RPS6KA1: variants seen among roughly 807,000 people sequenced by gnomAD.
The protein encoded by RPS6KA1 is ribosomal protein S6 kinase A1, also known as ribosomal protein S6 kinase alpha-1.
Under a neutral mutation model 91.3 loss-of-function variants are expected in RPS6KA1, and 48 were observed. That is an observed-to-expected ratio of 0.53 (90% CI 0.42 to 0.67). The LOEUF (loss-of-function observed/expected upper bound fraction) is 0.67. RPS6KA1 is among the 30% of genes least tolerant of loss of function. The pLI is 0.00. For missense variants in RPS6KA1, 719 were observed against 960.5 expected, an observed-to-expected ratio of 0.75 and a Z score of 3.32; for synonymous variants, 359 against 384.7, an observed-to-expected ratio of 0.93 and a Z score of 0.78.
At chr1:26,560,656 C>T in intron 14 of RPS6KA1, 70 bp from the exon 15 acceptor site, 1 of 1,602,784 alleles carries the variant, frequency 6.2e-7, no homozygotes. Flanking sequence ...GAGCCAAGAC[C>T]TTAGGTCCTG....
intron 1 of RPS6KA1, among the ~76,000 whole-genome samples, chr1:26,532,518 G>A (rs1427567502): frequency 6.6e-6 from 1 of 152,156 alleles, no homozygotes; most frequent in African/African-American, 2.4e-5. Context: ...GAGAGGCTCC[G>A]GATGTTGGCG....
chr1:26,543,996 T>C (rs1369112587), intron 2 of RPS6KA1: 2 of 441,390 alleles, frequency 4.5e-6, no homozygotes, highest in East Asian at 1.4e-4. Flanking sequence ...CAGAGGTGGG[T>C]CTGCAAGAAA....
At chr1:26,535,663 G>A (rs1014781903) in intron 1 of RPS6KA1, among the ~76,000 whole-genome samples, 4 of 152,156 alleles carry the variant, frequency 2.6e-5, no homozygotes, top group African/African-American at 4.8e-5. Context: ...ACTGACCAGA[G>A]GGGGGCTCTG....
Position 26,554,427 on chromosome 1 carries a change from C to G in RPS6KA1, c.614-169C>G. ...ACCCTCAGCTGGAATCCCAGCCCCTCATTGTGTAACGTTGAGCAAGTCACC... is the reference window on the plus strand; with the variant it reads ...ACCCTCAGCTGGAATCCCAGCCCCTGATTGTGTAACGTTGAGCAAGTCACC... On this transcript the variant is annotated intron_variant, in intron 8 of 21. Transcript: ENST00000374168. This position sits in a 1 kb window ranked among gnomAD's most constrained non-coding sequence, Gnocchi z 4.6. 1 of 1,133,168 alleles carries G rather than the reference C, an allele frequency of 8.8e-7. No individual in the cohort carries two copies. The highest frequency in any genetic ancestry group is 1.3e-6 in the Non-Finnish European group (1 of 784,168). The allele number at this position is 1,133,168 out of a possible 1,614,324, so 70.2% of individuals were successfully genotyped here. A position where few individuals can be genotyped will look rare whatever the true frequency, so the allele number is the denominator to read the frequency against.
chr1:26,557,927 CAA>C (rs2124647704), intron 13 of RPS6KA1, among the ~76,000 whole-genome samples: 1 of 151,776 alleles, frequency 6.6e-6, no homozygotes, highest in East Asian at 1.9e-4. Context: ...CTCCTGGGTT[CAA>C]GAGATTCTCC....
At position 26,546,804 on chromosome 1, in the gene RPS6KA1, C is replaced by T. The variant is rs1179497049; in HGVS notation, c.109-63C>T. The T allele has an allele frequency of 4.6e-6, 6 of 1,299,440 alleles. No individual in the cohort carries two copies. In the South Asian group the frequency reaches 4.8e-5, roughly 10 times the overall value. The allele number at this position is 1,299,440 out of a possible 1,614,324, so 80.5% of individuals were successfully genotyped here. On this transcript the variant is annotated intron_variant, in intron 2 of 21. Transcript: ENST00000374168. ...GTGGTCTGGTGGGAATGGACTTGGGCAGGGGAGCCTCCTGCTGCCTGGATG... is the reference window on the plus strand; with the variant it reads ...GTGGTCTGGTGGGAATGGACTTGGGTAGGGGAGCCTCCTGCTGCCTGGATG...
rs748604100 is a variant in RPS6KA1, at chr1:26,557,045, T to C, written c.1029T>C (p.Ala343=). ...EIKPPFKPAV[A]QPDDTFYFDT... Reference sequence around the variant, plus strand: ...AGCCACCCTTCAAGCCAGCAGTGGCTCAGCCTGATGACACCTTCTACTTTG... The same window carrying C: ...AGCCACCCTTCAAGCCAGCAGTGGCCCAGCCTGATGACACCTTCTACTTTG... Residue 343 remains alanine (A), a synonymous_variant, in exon 13 of 22, where the codon GCT becomes GCC. Transcript: ENST00000374168. The C allele has an allele frequency of 1.2e-6, 2 of 1,614,150 alleles. No individual in the cohort carries two copies. Among genetic ancestry groups the C allele is most frequent in the Non-Finnish European group, 1.7e-6 (2 of 1,180,016 alleles).
rs2076045050 is a variant in RPS6KA1 at position 26,551,025 on chromosome 1, G to C, written c.308-372G>C. On this transcript the variant is annotated intron_variant, in intron 4 of 21. Transcript: ENST00000374168. This position sits in a 1 kb window ranked among gnomAD's most constrained non-coding sequence, Gnocchi z 4.5. ...AAGCAGAGCTGGTGAAGGCATGCCA[G>C]GGGGAGGTGCAGAGGCAAAGTCTGA... Among the ~76,000 whole-genome samples, 1 of 152,168 alleles carries C rather than the reference G, an allele frequency of 6.6e-6. No individual in the cohort carries two copies. Among genetic ancestry groups the C allele is most frequent in the South Asian group, 2.1e-4 (1 of 4,820 alleles).
chr1:26,532,223 G>A (rs916940498), intron 1 of RPS6KA1, among the ~76,000 whole-genome samples: 15 of 152,186 alleles, frequency 9.9e-5, no homozygotes, highest in Admixed American at 9.8e-4. Flanking sequence ...TAGCCCTGTT[G>A]AAAGCAGTAG....
At position 26,547,314 on chromosome 1, in the gene RPS6KA1, G is replaced by A. The variant is rs1297689917; in HGVS notation, c.307+44G>A. On this transcript the variant is annotated intron_variant, in intron 4 of 21. Transcript: ENST00000374168. The surrounding 1 kb of genome is among the most constrained non-coding windows in gnomAD (Gnocchi z 4.1). ...CTGTGCAGAACCCAGGCTTGGCTGA[G>A]GGAGGCAGCCCAGACTTCAAGGGCC... 3 of 1,556,820 alleles carry A rather than the reference G, an allele frequency of 1.9e-6. No individual in the cohort carries two copies. The highest frequency in any genetic ancestry group is 8.8e-7 in the Non-Finnish European group (1 of 1,134,834).
Position 26,535,825 on chromosome 1 carries a change from G to A in RPS6KA1, c.64-1100G>A, listed in dbSNP as rs544794556. Among the ~76,000 whole-genome samples, 8 of 152,134 alleles carry A rather than the reference G, an allele frequency of 5.3e-5. No individual in the cohort carries two copies. In the South Asian group the frequency reaches 1.7e-3, roughly 32 times the overall value. ...TCCTTCTCTGCCACATGGGGCCAGG[G>A]CCTACCTCCCAGGGCTGTCATGAGG... On this transcript the variant is annotated intron_variant, in intron 1 of 21. Transcript: ENST00000374168.
intron 17 of RPS6KA1, among the ~76,000 whole-genome samples, chr1:26,565,543 T>TTTTTTTC (rs2076192110): frequency 6.8e-6 from 1 of 148,028 alleles, no homozygotes; most frequent in East Asian, 2.0e-4. Context: ...TGAATTTATT[T>TTTTTTTC]TTTTCTTTTC....
In RPS6KA1 at chr1:26,574,610, C is replaced by T. The variant is rs14071; in HGVS notation, c.*409C>T. The T allele has an allele frequency of 0.029, 11,145 of 385,964 alleles. 190 individuals are homozygous for T. Among genetic ancestry groups the T allele is most frequent in the Non-Finnish European group, 0.038 (7,459 of 196,138 alleles). 23.9% of individuals were successfully genotyped at this position (385,964 alleles called of 1,614,324 possible). ...CCTGGGGACCCCCACGATTGGCCACCTGTAGCCATCTGCACACACCTCCGA... is the reference window on the plus strand; with the variant it reads ...CCTGGGGACCCCCACGATTGGCCACTTGTAGCCATCTGCACACACCTCCGA... On this transcript the variant is annotated 3_prime_UTR_variant, in exon 22 of 22. Coordinates refer to ENST00000374168, the MANE Select transcript of RPS6KA1 (RefSeq NM_002953.4). This position sits in a 1 kb window ranked among gnomAD's most constrained non-coding sequence, Gnocchi z 4.3.
chr1:26,567,541 C>T (rs922551238), intron 17 of RPS6KA1, among the ~76,000 whole-genome samples: 21 of 152,090 alleles, frequency 1.4e-4, no homozygotes, highest in African/African-American at 4.1e-4. Flanking sequence ...CCACCACGCC[C>T]GGCTAACTTT....
chr1:26,536,152 TAAAAAA>T (rs35238041), intron 1 of RPS6KA1, among the ~76,000 whole-genome samples: 1 of 74,418 alleles, frequency 1.3e-5, no homozygotes, highest in South Asian at 5.3e-4. Flanking sequence ...AAACTCTGTC[TAAAAAA>T]AAAAAAAAAA....
At position 26,574,764 on chromosome 1, in the gene RPS6KA1, C is replaced by T; in HGVS notation, c.*563C>T. On this transcript the variant is annotated 3_prime_UTR_variant, in exon 22 of 22. Transcript: ENST00000374168. This position sits in a 1 kb window ranked among gnomAD's most constrained non-coding sequence, Gnocchi z 4.3. ...CCACTTCCTGCTACAGGAGGGGTCT[C>T]ATGTCCTGCTGGCTTCCAGCTTCAG... 3.7e-6 allele frequency: 1 copy of T among 268,828 alleles called. No homozygotes were observed. The highest frequency in any genetic ancestry group is 7.4e-6 in the Non-Finnish European group (1 of 134,412). 16.7% of individuals were successfully genotyped at this position (268,828 alleles called of 1,614,324 possible). A position where few individuals can be genotyped will look rare whatever the true frequency, so the allele number is the denominator to read the frequency against.
At chr1:26,541,003 T>G (rs1195824571) in intron 2 of RPS6KA1, among the ~76,000 whole-genome samples, 1 of 152,094 alleles carries the variant, frequency 6.6e-6, no homozygotes, top group Non-Finnish European at 1.5e-5. Flanking sequence ...TTGGTCAGGC[T>G]GGTCTCGAAC....
At position 26,571,201 on chromosome 1, in the gene RPS6KA1, A is replaced by T; in HGVS notation, c.1591-248A>T. Reference sequence around the variant, plus strand: ...CACAAGGTAAGATTATGTGATGAGTAGGTTTTAGGGGAGAATTGAGAGTTC... The same window carrying T: ...CACAAGGTAAGATTATGTGATGAGTTGGTTTTAGGGGAGAATTGAGAGTTC... On this transcript the variant is annotated intron_variant, in intron 17 of 21. Transcript: ENST00000374168. The surrounding 1 kb of genome is among the most constrained non-coding windows in gnomAD (Gnocchi z 5.1). The T allele has an allele frequency of 2.1e-6, 1 of 483,464 alleles. No homozygotes were observed. Among genetic ancestry groups the T allele is most frequent in the East Asian group, 3.5e-5 (1 of 28,878 alleles). 29.9% of individuals were successfully genotyped at this position (483,464 alleles called of 1,614,324 possible).
rs371581310 is a variant in RPS6KA1, at chr1:26,551,699, C to T, written c.444C>T (p.Asp148=). Reference sequence around the variant, plus strand: ...TTCTGGACTTCCTGCGTGGTGGGGACCTCTTCACCCGGCTCTCAAAAGAGG... The same window carrying T: ...TTCTGGACTTCCTGCGTGGTGGGGATCTCTTCACCCGGCTCTCAAAAGAGG... ...YLILDFLRGG[D]LFTRLSKEVM... The change falls in exon 6 of 22, where the codon GAC becomes GAT. Residue 148 remains aspartate (D), a synonymous_variant. Coordinates refer to ENST00000374168, the MANE Select transcript of RPS6KA1 (RefSeq NM_002953.4). The surrounding 1 kb of genome is among the most constrained non-coding windows in gnomAD (Gnocchi z 4.5). 1.2e-5 allele frequency: 19 copies of T among 1,614,010 alleles called. No homozygotes were observed. In the African/African-American group the frequency reaches 2.3e-4, roughly 19 times the overall value.
Sources: gnomAD v4.1 joint callset for allele counts (sites outside exome capture counted in the v4.1 genomes callset) on GRCh38, gnomAD v4.1.1 for gene constraint, Gnocchi (gnomAD v3.1) non-coding constraint, MANE v1.5 for transcripts, NCBI Gene and HGNC (gene_info 2026-07-23, HGNC 2026-07-21) for gene names.